MOK: variants seen among roughly 807,000 people sequenced by gnomAD.
The protein encoded by MOK is MAPK/MAK/MRK overlapping kinase.
Under a neutral mutation model 54.2 loss-of-function variants are expected in MOK, and 59 were observed. The ratio of observed to expected loss-of-function variants is 1.09; its 90% CI spans 0.88 to 1.35. The LOEUF (loss-of-function observed/expected upper bound fraction) is 1.35, where lower values mean the gene tolerates loss of function less well. MOK is among the 40% of genes most tolerant of loss of function. The probability of loss-of-function intolerance (pLI) is 0.00; values close to 1 mark genes in which losing one functional copy is unlikely to be tolerated. For missense variants in MOK, 517 were observed against 526.2 expected (o/e 0.98, Z 0.17); for synonymous variants, 210 against 202.7 (o/e 1.04, Z -0.31).
At chr14:102,287,644 TA>T (rs2070275495) in intron 1 of MOK, among the ~76,000 whole-genome samples, 1 of 152,020 alleles carries the variant, frequency 6.6e-6, no homozygotes, top group Non-Finnish European at 1.5e-5. Context: ...CATCAGTCAT[TA>T]GGGAAAAGCA....
intron 7 of MOK, among the ~76,000 whole-genome samples, chr14:102,248,777 C>CAA (rs1228394075): frequency 0.015 from 744 of 48,980 alleles, 11 homozygotes; most frequent in South Asian, 0.061. Context: ...GACTCCGTCT[C>CAA]AAAAAAAAAA....
At chr14:102,216,684 C>T in the MOK span, among the ~76,000 whole-genome samples, 1 of 152,184 alleles carries the variant, frequency 6.6e-6, no homozygotes, top group African/African-American at 2.4e-5. Context: ...AATCCCAGCA[C>T]TTTGGGAGGC....
chr14:102,297,539 G>A (rs2071570847), intron 1 of MOK, among the ~76,000 whole-genome samples: 1 of 152,238 alleles, frequency 6.6e-6, no homozygotes, highest in African/African-American at 2.4e-5. Context: ...CACCTCCTCG[G>A]CCTCGGTGCC....
intron 1 of MOK, among the ~76,000 whole-genome samples, chr14:102,292,014 C>T (rs1339353580): frequency 1.3e-5 from 2 of 151,666 alleles, no homozygotes; most frequent in Non-Finnish European, 2.9e-5. Flanking sequence ...CAGCTATATA[C>T]CACACACTGT....
At chr14:102,255,811 C>A (rs569911939) in intron 4 of MOK, among the ~76,000 whole-genome samples, 1 of 152,290 alleles carries the variant, frequency 6.6e-6, no homozygotes, top group Admixed American at 6.5e-5. Context: ...TTCCAGCAGG[C>A]CCCAAAAGCA....
chr14:102,229,003 A>C lies in MOK; in HGVS notation c.*286T>G. On this transcript the variant is annotated 3_prime_UTR_variant, in exon 12 of 12. Transcript: ENST00000361847. ...CAGAAATGCCTGCTCGTTTGTTTTG[A>C]TTCATATACAAAGTTACAAAGTATT... 1 of 448,990 alleles carries C rather than the reference A, an allele frequency of 2.2e-6. No homozygotes were observed. Among genetic ancestry groups the C allele is most frequent in the Non-Finnish European group, 3.9e-6 (1 of 255,248 alleles). 27.8% of individuals were successfully genotyped at this position (448,990 alleles called of 1,614,324 possible). A position where few individuals can be genotyped will look rare whatever the true frequency, so the allele number is the denominator to read the frequency against.
downstream of MOK, chr14:102,222,877 A>G (rs755859185): frequency 1.2e-6 from 2 of 1,614,046 alleles, no homozygotes; most frequent in Admixed American, 1.7e-5. This position sits in a 1 kb window ranked among gnomAD's most constrained non-coding sequence, Gnocchi z 4.4. Context: ...GTGGAACTGT[A>G]GTGTAGCGAC....
chr14:102,224,947 T>C (rs1404126288), downstream of MOK: 2 of 382,132 alleles, frequency 5.2e-6, no homozygotes, highest in Non-Finnish European at 1.0e-5. Flanking sequence ...CTTAAAGTGT[T>C]GATTGCTAGG....
downstream of MOK, among the ~76,000 whole-genome samples, chr14:102,220,495 A>T (rs930109035): frequency 5.3e-5 from 8 of 152,196 alleles, no homozygotes; most frequent in African/African-American, 1.9e-4. This position sits in a 1 kb window ranked among gnomAD's most constrained non-coding sequence, Gnocchi z 4.2. Flanking sequence ...AGGCCAAGGC[A>T]GGTGGATCAC....
intron 7 of MOK, among the ~76,000 whole-genome samples, chr14:102,241,135 C>T (rs567890809): frequency 6.6e-6 from 1 of 152,338 alleles, no homozygotes; most frequent in East Asian, 1.9e-4. Flanking sequence ...CGGTCCCTCC[C>T]TAGTCTCTGC....
Position 102,232,006 on chromosome 14 carries a change from G to A in MOK, c.867-185C>T. 3.8e-6 allele frequency: 2 copies of A among 524,834 alleles called. No individual in the cohort carries two copies. Among genetic ancestry groups the A allele is most frequent in the East Asian group, 3.0e-5 (1 of 32,862 alleles). 32.5% of individuals were successfully genotyped at this position (524,834 alleles called of 1,614,324 possible). On this transcript the variant is annotated intron_variant, in intron 9 of 11. Coordinates refer to ENST00000361847, the MANE Select transcript of MOK (RefSeq NM_014226.3). This position sits in a 1 kb window ranked among gnomAD's most constrained non-coding sequence, Gnocchi z 5.1. ...CTCAGCCTGACAGTCTCTGGGCCAGGAACAGAGCTGGCTCCATGAATCAGA... is the reference window on the plus strand; with the variant it reads ...CTCAGCCTGACAGTCTCTGGGCCAGAAACAGAGCTGGCTCCATGAATCAGA...
intron 4 of MOK, among the ~76,000 whole-genome samples, chr14:102,253,253 G>A (rs568047623): frequency 1.3e-5 from 2 of 152,344 alleles, no homozygotes; most frequent in East Asian, 3.9e-4. Context: ...TACATACAAT[G>A]TGTAAGGATG....
chr14:102,229,708 G>A, intron 10 of MOK, 51 bp from the exon 11 acceptor site: 1 of 1,483,080 alleles, frequency 6.7e-7, no homozygotes, highest in Non-Finnish European at 9.1e-7. Context: ...CTGCTTTATG[G>A]AAATTAGGAA....
chr14:102,283,979 T>G (rs936296668), intron 1 of MOK, among the ~76,000 whole-genome samples: 1 of 152,190 alleles, frequency 6.6e-6, no homozygotes, highest in Admixed American at 6.5e-5. Context: ...AGGACCCTCC[T>G]GAAATTGACC....
At chr14:102,278,698 A>G (rs2069117221) in intron 2 of MOK, 1 of 455,880 alleles carries the variant, frequency 2.2e-6, no homozygotes, top group Admixed American at 2.3e-5. Context: ...CCCTAGTCTG[A>G]AAGATGTAAC....
chr14:102,232,661 A>G lies in MOK; in HGVS notation c.740T>C (p.Ile247Thr). 1 of 1,614,026 alleles carries G rather than the reference A, an allele frequency of 6.2e-7. No individual in the cohort carries two copies. The highest frequency in any genetic ancestry group is 8.5e-7 in the Non-Finnish European group (1 of 1,179,918). The change falls in exon 9 of 12, where the codon ATA (isoleucine) becomes ACA (threonine). Residue 247 changes from isoleucine to threonine, a missense_variant. Coordinates refer to ENST00000361847, the MANE Select transcript of MOK (RefSeq NM_014226.3). This position sits in a 1 kb window ranked among gnomAD's most constrained non-coding sequence, Gnocchi z 5.1. The part of the protein sequence containing the change: ...FDFPFKKGSG[I>T]PLLTTNLSPQ... ...GGACAAATTGGTTGTTAGTAGAGGT[A>G]TTCCTGATCCCTTTTTAAAAGGAAA...
intron 7 of MOK, among the ~76,000 whole-genome samples, chr14:102,239,735 G>T (rs1445286005): frequency 1.3e-5 from 2 of 152,130 alleles, no homozygotes. Flanking sequence ...CGGGCATGGT[G>T]GCAGGCACCT....
At chr14:102,243,305 C>T (rs1014156431) in intron 7 of MOK, among the ~76,000 whole-genome samples, 16 of 152,192 alleles carry the variant, frequency 1.1e-4, no homozygotes, top group African/African-American at 3.6e-4. Context: ...GCCCTGGAAG[C>T]TGCTCCCACA....
At chr14:102,256,992 A>G (rs2067014742) in intron 4 of MOK, among the ~76,000 whole-genome samples, 1 of 151,954 alleles carries the variant, frequency 6.6e-6, no homozygotes, top group Non-Finnish European at 1.5e-5. Context: ...ATCCAGAGAC[A>G]GTGGCGGGCA....
Sources: gnomAD v4.1 joint callset for allele counts (sites outside exome capture counted in the v4.1 genomes callset) on GRCh38, gnomAD v4.1.1 for gene constraint, Gnocchi (gnomAD v3.1) non-coding constraint, MANE v1.5 for transcripts, NCBI Gene and HGNC (gene_info 2026-07-23, HGNC 2026-07-21) for gene names.